Variants in HYDIN observed in about 807,000 individuals in gnomAD.
HYDIN encodes the protein axonemal central pair apparatus protein HYDIN.
In HYDIN, 132 loss-of-function variants were observed where a neutral mutation model predicts 403.9. The ratio of observed to expected loss-of-function variants is 0.33; its 90% CI spans 0.28 to 0.38. HYDIN has a LOEUF of 0.38. Among genes scored for constraint, HYDIN ranks in the 10% least tolerant of loss-of-function variants. The pLI is 1.00. For synonymous variants in HYDIN, 1,202 were observed against 1,891.7 expected (o/e 0.64, Z 9.46); for missense variants, 2,827 against 5,009.5 (o/e 0.56, Z 13.15).
intron 1 of HYDIN, among the ~76,000 whole-genome samples, chr16:71,229,315 T>C (rs1261949719): frequency 6.6e-6 from 1 of 151,988 alleles, no homozygotes; most frequent in African/African-American, 2.4e-5. Flanking sequence ...TAAAAATATA[T>C]ACATATAAAA....
chr16:71,209,083 A>T (rs1035776633), intron 1 of HYDIN, among the ~76,000 whole-genome samples: 7 of 151,872 alleles, frequency 4.6e-5, no homozygotes, highest in African/African-American at 1.5e-4. Context: ...CATGGCAGAG[A>T]TACAACAAAA....
At chr16:71,149,734 C>T (rs1054402710) in intron 7 of HYDIN, among the ~76,000 whole-genome samples, 4 of 152,096 alleles carry the variant, frequency 2.6e-5, no homozygotes, top group African/African-American at 9.7e-5. Context: ...CACCATGTTG[C>T]CCAGGCTGGT....
At chr16:70,891,250 G>A (rs1227968804) in intron 57 of HYDIN, among the ~76,000 whole-genome samples, 9 of 152,074 alleles carry the variant, frequency 5.9e-5, no homozygotes, top group Admixed American at 6.6e-5. Flanking sequence ...GTGCAGTGGC[G>A]CGATCTCGGC....
intron 7 of HYDIN, among the ~76,000 whole-genome samples, chr16:71,139,517 G>A (rs1223697962): frequency 6.6e-6 from 1 of 151,964 alleles, no homozygotes; most frequent in African/African-American, 2.4e-5. Flanking sequence ...GAAGCCATAT[G>A]TAGGAAATAG....
At chr16:71,128,218 C>T (rs1021483009) in intron 9 of HYDIN, among the ~76,000 whole-genome samples, 3 of 152,178 alleles carry the variant, frequency 2.0e-5, no homozygotes, top group African/African-American at 7.2e-5. Context: ...CATAGCCGGC[C>T]CCAGAAAACT....
chr16:70,894,218 C>T (rs1485637153), intron 55 of HYDIN: 1 of 649,838 alleles, frequency 1.5e-6, no homozygotes, highest in Non-Finnish European at 2.5e-6. Flanking sequence ...TCTCTGCTCC[C>T]TTAGCAGGTG....
intron 15 of HYDIN, among the ~76,000 whole-genome samples, chr16:71,066,164 C>T (rs1486990277): frequency 2.0e-5 from 3 of 150,342 alleles, no homozygotes; most frequent in Non-Finnish European, 3.0e-5. Context: ...GGGAAAGGGG[C>T]TAGAAAGTAT....
Position 71,213,909 on chromosome 16 carries a change from T to G in HYDIN, c.-24+16653A>C, listed in dbSNP as rs867210917. Among the ~76,000 whole-genome samples, 12 of 152,128 alleles carry G rather than the reference T, an allele frequency of 7.9e-5. No individual in the cohort carries two copies. The South Asian group carries it at 2.3e-3, about 29-fold the overall frequency. On this transcript the variant is annotated intron_variant, in intron 1 of 85. Coordinates refer to ENST00000393567, the MANE Select transcript of HYDIN (RefSeq NM_001270974.2). The stretch of plus-strand genomic sequence containing the variant: ...TATCTATTAATACCCATTATCACCA[T>G]TCCAATCAACAGAAATTTAAGGTCC...
intron 21 of HYDIN, among the ~76,000 whole-genome samples, chr16:71,020,859 G>T (rs924617959): frequency 2.1e-5 from 3 of 146,278 alleles, no homozygotes; most frequent in Admixed American, 1.4e-4. Context: ...CTACTGAAAA[G>T]TGGACCTACA....
At chr16:70,926,053 C>T (rs986124583) in intron 45 of HYDIN, among the ~76,000 whole-genome samples, 3 of 150,952 alleles carry the variant, frequency 2.0e-5, no homozygotes, top group South Asian at 2.1e-4. Flanking sequence ...GTCGGTGTGG[C>T]GATTCCTCAG....
intron 18 of HYDIN, among the ~76,000 whole-genome samples, chr16:71,054,654 C>T (rs1260636669): frequency 1.3e-5 from 2 of 151,870 alleles, no homozygotes; most frequent in Non-Finnish European, 2.9e-5. Context: ...ACAATTTTCA[C>T]TCTCTCTGAA....
chr16:70,896,576 G>A (rs1159659699), intron 53 of HYDIN, among the ~76,000 whole-genome samples: 1 of 150,744 alleles, frequency 6.6e-6, no homozygotes, highest in Admixed American at 6.6e-5. Flanking sequence ...GGCTGGTCTT[G>A]AACTCTTGAA....
intron 10 of HYDIN, among the ~76,000 whole-genome samples, chr16:71,112,757 A>G (rs1307589472): frequency 6.6e-6 from 1 of 152,116 alleles, no homozygotes; most frequent in Non-Finnish European, 1.5e-5. Flanking sequence ...TTATGTAAAA[A>G]TGGAATAGCT....
intron 1 of HYDIN, among the ~76,000 whole-genome samples, chr16:71,223,916 C>T (rs2040916223): frequency 6.6e-6 from 1 of 152,214 alleles, no homozygotes; most frequent in African/African-American, 2.4e-5. Flanking sequence ...GTAGATCTAC[C>T]ATTTCATCCA....
chr16:71,194,300 A>G (rs1476566218), intron 1 of HYDIN, among the ~76,000 whole-genome samples: 3 of 152,132 alleles, frequency 2.0e-5, no homozygotes, highest in Non-Finnish European at 2.9e-5. Context: ...AATCCCAGCT[A>G]CTCAGGGGGC....
chr16:71,042,604 T>C lies in HYDIN; in HGVS notation c.2530-10687A>G, dbSNP rs2081320018. 2.0e-5 allele frequency among the ~76,000 whole-genome samples: 3 copies of C among 152,206 alleles called. No individual in the cohort carries two copies. In the South Asian group the frequency reaches 6.2e-4, roughly 32 times the overall value. ...AGCTGAGCTATAAAAAAATGGTCTA[T>C]GACGACGTTTCCCTTCTTATACAAC... On this transcript the variant is annotated intron_variant, in intron 18 of 85. Transcript: ENST00000393567.
In HYDIN at chr16:71,031,688, G is replaced by A; in HGVS notation, c.2759C>T (p.Ala920Val). 6.3e-7 allele frequency: 1 copy of A among 1,595,634 alleles called. No homozygotes were observed. ...KPFAPELNLG[A>V]HFSLDTHYYH... ...CATGAGATTTCCTTACCTAAAATGT[G>A]CCCCCAAATTGAGTTCTGGAGCAAA... The change falls in exon 19 of 86, where the codon GCA (alanine) becomes GTA (valine). Residue 920 changes from alanine (A) to valine (V), a missense_variant. Coordinates refer to ENST00000393567, the MANE Select transcript of HYDIN (RefSeq NM_001270974.2).
intron 3 of HYDIN, among the ~76,000 whole-genome samples, chr16:71,184,432 G>C: frequency 6.6e-6 from 1 of 152,120 alleles, no homozygotes; most frequent in East Asian, 1.9e-4. Flanking sequence ...AAAAGGATAT[G>C]TCTGTTACTG....
chr16:70,890,298 G>A (rs1320833411), intron 57 of HYDIN, among the ~76,000 whole-genome samples: 2 of 152,220 alleles, frequency 1.3e-5, no homozygotes, highest in Non-Finnish European at 2.9e-5. Context: ...CTTGCTTAAT[G>A]ACCAGAACAC....
Sources: gnomAD v4.1 joint callset for allele counts (sites outside exome capture counted in the v4.1 genomes callset) on GRCh38, gnomAD v4.1.1 for gene constraint, MANE v1.5 for transcripts, NCBI Gene and HGNC (gene_info 2026-07-23, HGNC 2026-07-21) for gene names.